ROBO1: variants seen among roughly 807,000 people sequenced by gnomAD.
ROBO1 encodes roundabout homolog 1.
A neutral mutation model predicts 195.9 loss-of-function variants in ROBO1; 149 were observed. The observed-to-expected ratio is 0.76, with a 90% CI of 0.67 to 0.87. The LOEUF is 0.87. Ranked by LOEUF, ROBO1 falls within the 40% of genes least tolerant of loss-of-function variation. The probability of loss-of-function intolerance (pLI) is 0.00; values close to 1 mark genes in which losing one functional copy is unlikely to be tolerated. For synonymous variants in ROBO1, 816 were observed against 733.2 expected (o/e 1.11, Z -1.82); for missense variants, 1,933 against 2,068.3 (o/e 0.93, Z 1.27).
At chr3:79,289,074 C>T (rs1156918160) in intron 2 of ROBO1, among the ~76,000 whole-genome samples, 1 of 150,254 alleles carries the variant, frequency 6.7e-6, no homozygotes, top group African/African-American at 2.5e-5. Context: ...AATATTTAAT[C>T]TAAGTCCAGG....
intron 3 of ROBO1, among the ~76,000 whole-genome samples, chr3:79,041,772 G>T (rs2078491878): frequency 6.6e-6 from 1 of 152,128 alleles, no homozygotes; most frequent in South Asian, 2.1e-4. Context: ...CCTCTCTGTG[G>T]TCTCTGAGCA....
intron 1 of ROBO1, among the ~76,000 whole-genome samples, chr3:79,724,118 C>T (rs982937920): frequency 6.6e-6 from 1 of 152,154 alleles, no homozygotes; most frequent in Non-Finnish European, 1.5e-5. Context: ...TAACATTTGA[C>T]GCTGTGTCTA....
chr3:78,703,592 G>C (rs2081472741), intron 8 of ROBO1, among the ~76,000 whole-genome samples: 1 of 151,868 alleles, frequency 6.6e-6, no homozygotes, highest in Non-Finnish European at 1.5e-5. Context: ...ATAAACAAGA[G>C]GAAGAGGAGG....
At chr3:79,108,446 T>C (rs1338500382) in intron 3 of ROBO1, among the ~76,000 whole-genome samples, 1 of 151,792 alleles carries the variant, frequency 6.6e-6, no homozygotes, top group Non-Finnish European at 1.5e-5. Context: ...TTGAATTAAG[T>C]TCTAGAGAAA....
intron 2 of ROBO1, among the ~76,000 whole-genome samples, chr3:79,299,708 T>A (rs2032793650): frequency 6.6e-6 from 1 of 152,102 alleles, no homozygotes; most frequent in Admixed American, 6.5e-5. Context: ...CGTGTGTTGA[T>A]GAAATCTTTC....
chr3:79,254,212 A>G (rs1225146846), intron 2 of ROBO1, among the ~76,000 whole-genome samples: 1 of 152,216 alleles, frequency 6.6e-6, no homozygotes, highest in Non-Finnish European at 1.5e-5. Flanking sequence ...AAGATAAATA[A>G]CATTATGTTT....
chr3:79,052,745 A>G (rs1326513453), intron 3 of ROBO1, among the ~76,000 whole-genome samples: 1 of 152,098 alleles, frequency 6.6e-6, no homozygotes, highest in East Asian at 1.9e-4. Flanking sequence ...TTCCCCTGAC[A>G]TCTGGCACCC....
intron 2 of ROBO1, among the ~76,000 whole-genome samples, chr3:79,558,927 G>T (rs1305150497): frequency 1.3e-5 from 2 of 152,084 alleles, no homozygotes; most frequent in African/African-American, 4.8e-5. Flanking sequence ...CACAGATCAT[G>T]AATATACCAA....
chr3:79,473,763 G>A (rs895750797), intron 2 of ROBO1, among the ~76,000 whole-genome samples: 5 of 151,822 alleles, frequency 3.3e-5, no homozygotes, highest in Non-Finnish European at 7.4e-5. Context: ...ATTTGTAATG[G>A]CAGCCCTAGG....
rs1208128167 is a variant in ROBO1, at chr3:79,410,398, A to T, written c.88+179426T>A. ...CTTCAGGACTTTCCAAGGGGGACAA[A>T]GGTTTGGACTTTATGGTAAAAATAA... On this transcript the variant is annotated intron_variant, in intron 2 of 30. Transcript: ENST00000464233. 2.0e-5 allele frequency among the ~76,000 whole-genome samples: 3 copies of T among 152,160 alleles called. 1 individual carries two copies. Among genetic ancestry groups the T allele is most frequent in the Non-Finnish European group, 1.5e-5 (1 of 68,034 alleles).
In ROBO1 at chr3:78,758,292, G is replaced by A. The variant is rs527486075; in HGVS notation, c.500-11392C>T. Among the ~76,000 whole-genome samples the A allele has an allele frequency of 2.6e-5, 4 of 152,274 alleles. No homozygotes were observed. In the East Asian group the frequency reaches 7.7e-4, roughly 29 times the overall value. ...CCCTGCATTTGGGAGGCCGAGGCAG[G>A]AGGACTGCCTGCGCCCAGCAGTTTG... is the stretch of plus-strand genomic sequence containing the variant. On this transcript the variant is annotated intron_variant, in intron 4 of 30. Coordinates refer to ENST00000464233, the MANE Select transcript of ROBO1 (RefSeq NM_002941.4).
chr3:79,373,480 T>C (rs2036276588), intron 2 of ROBO1, among the ~76,000 whole-genome samples: 1 of 152,178 alleles, frequency 6.6e-6, no homozygotes, highest in Non-Finnish European at 1.5e-5. Flanking sequence ...CACAAATGTT[T>C]CTCTATTATC....
chr3:79,318,705 T>G (rs569808590), intron 2 of ROBO1, among the ~76,000 whole-genome samples: 1 of 152,324 alleles, frequency 6.6e-6, no homozygotes, highest in African/African-American at 2.4e-5. Context: ...TTCATTGTTT[T>G]ATCTAGGGTC....
intron 1 of ROBO1, among the ~76,000 whole-genome samples, chr3:79,715,049 G>T (rs1003589097): frequency 1.3e-5 from 2 of 151,930 alleles, no homozygotes; most frequent in Admixed American, 1.3e-4. Context: ...TTGAATTACT[G>T]CAATCTCATG....
chr3:79,607,006 C>T (rs6792982), intron 1 of ROBO1, among the ~76,000 whole-genome samples: 38,017 of 150,814 alleles, frequency 0.25, 6,550 homozygotes, highest in African/African-American at 0.5. Flanking sequence ...CTGAGATTTC[C>T]GATAGCAATG....
intron 3 of ROBO1, among the ~76,000 whole-genome samples, chr3:79,062,933 T>C (rs2078945695): frequency 6.6e-6 from 1 of 152,074 alleles, no homozygotes; most frequent in Admixed American, 6.6e-5. Flanking sequence ...TATACCTATG[T>C]AAAAAACCTG....
chr3:78,794,941 A>G (rs1049065726), intron 4 of ROBO1, among the ~76,000 whole-genome samples: 1 of 152,166 alleles, frequency 6.6e-6, no homozygotes, highest in Admixed American at 6.5e-5. Context: ...AGTAACTCCA[A>G]ATGATTCATT....
At chr3:79,183,718 G>A (rs2081386727) in intron 2 of ROBO1, among the ~76,000 whole-genome samples, 2 of 152,202 alleles carry the variant, frequency 1.3e-5, no homozygotes, top group South Asian at 4.1e-4. Context: ...TCTGGATTGG[G>A]TCCAATATTG....
intron 3 of ROBO1, among the ~76,000 whole-genome samples, chr3:79,059,408 G>A (rs970924710): frequency 1.3e-4 from 20 of 152,012 alleles, no homozygotes; most frequent in South Asian, 4.2e-4. Flanking sequence ...CTGTTTAATC[G>A]GCTTATCTTT....
Sources: gnomAD v4.1 joint callset for allele counts (sites outside exome capture counted in the v4.1 genomes callset) on GRCh38, gnomAD v4.1.1 for gene constraint, MANE v1.5 for transcripts, NCBI Gene and HGNC (gene_info 2026-07-23, HGNC 2026-07-21) for gene names.